SBF2: variants seen among roughly 807,000 people sequenced by gnomAD.
The protein encoded by SBF2 is myotubularin-related protein 13.
In SBF2, 112 loss-of-function variants were observed where a neutral mutation model predicts 225.2. The ratio of observed to expected loss-of-function variants is 0.50; its 90% CI spans 0.43 to 0.58. SBF2 has a LOEUF of 0.58. Ranked by LOEUF, SBF2 falls within the 20% of genes least tolerant of loss-of-function variation. The pLI is 0.00. For synonymous variants in SBF2, 763 were observed against 773.3 expected (o/e 0.99, Z 0.22); for missense variants, 1,996 against 2,206.2 (o/e 0.90, Z 1.91).
At chr11:10,107,126 T>C (rs568712999) in intron 2 of SBF2, among the ~76,000 whole-genome samples, 10 of 152,216 alleles carry the variant, frequency 6.6e-5, no homozygotes, top group African/African-American at 2.2e-4. Context: ...TATATACATA[T>C]ACATACTTAA....
intron 29 of SBF2, among the ~76,000 whole-genome samples, chr11:9,815,402 G>A (rs763522145): frequency 4.0e-5 from 6 of 151,090 alleles, no homozygotes; most frequent in Admixed American, 6.6e-5. Flanking sequence ...GCAGTGAGCC[G>A]AGATCATGCT....
intron 6 of SBF2, among the ~76,000 whole-genome samples, chr11:10,010,034 C>T (rs1948375413): frequency 6.6e-6 from 1 of 152,242 alleles, no homozygotes; most frequent in South Asian, 2.1e-4. Flanking sequence ...GTTTCTTGGA[C>T]ACATAAATGC....
chr11:9,916,093 G>A (rs1863065697), intron 16 of SBF2, among the ~76,000 whole-genome samples: 1 of 151,868 alleles, frequency 6.6e-6, no homozygotes, highest in Non-Finnish European at 1.5e-5. Flanking sequence ...AAACCAAATA[G>A]TAATTTTTAG....
chr11:9,906,054 A>G (rs995736785), intron 16 of SBF2, among the ~76,000 whole-genome samples: 2 of 152,200 alleles, frequency 1.3e-5, no homozygotes, highest in Non-Finnish European at 2.9e-5. Context: ...GAATGCAGCA[A>G]AAAGTATGAA....
intron 29 of SBF2, 139 bp from the exon 30 acceptor site, chr11:9,812,847 A>G (rs1266182703): frequency 3.7e-6 from 3 of 813,898 alleles, no homozygotes; most frequent in Non-Finnish European, 6.1e-6. Flanking sequence ...AAGAAAGTCA[A>G]TCTTGTACAG....
At chr11:10,022,965 G>A (rs965608748) in intron 6 of SBF2, among the ~76,000 whole-genome samples, 1 of 152,104 alleles carries the variant, frequency 6.6e-6, no homozygotes, top group South Asian at 2.1e-4. Context: ...TGTTTGGTAA[G>A]GTTATAACGG....
At chr11:10,037,420 A>G (rs974102260) in intron 3 of SBF2, among the ~76,000 whole-genome samples, 1 of 152,128 alleles carries the variant, frequency 6.6e-6, no homozygotes, top group African/African-American at 2.4e-5. Context: ...AGTTGATTAC[A>G]ATATCAGCAA....
At chr11:10,229,567 C>A (rs535971433) in intron 1 of SBF2, among the ~76,000 whole-genome samples, 27 of 152,184 alleles carry the variant, frequency 1.8e-4, no homozygotes, top group African/African-American at 6.5e-4. Context: ...CATTTCGTTA[C>A]GTACCCAGTA....
At chr11:10,239,902 T>C (rs898866218) in intron 1 of SBF2, among the ~76,000 whole-genome samples, 3 of 152,186 alleles carry the variant, frequency 2.0e-5, no homozygotes, top group African/African-American at 4.8e-5. Context: ...GTTTTTATCT[T>C]TGTAAGAAGA....
At chr11:9,830,078 G>A (rs955841165) in intron 27 of SBF2, among the ~76,000 whole-genome samples, 4 of 152,152 alleles carry the variant, frequency 2.6e-5, no homozygotes, top group African/African-American at 9.7e-5. Context: ...GCCAATCCCT[G>A]GTCCTTCTAA....
chr11:9,832,587 T>C (rs1855467417), intron 26 of SBF2, among the ~76,000 whole-genome samples, 167 bp from the exon 27 acceptor site: 1 of 152,184 alleles, frequency 6.6e-6, no homozygotes, highest in Non-Finnish European at 1.5e-5. Flanking sequence ...GGGTAAGATA[T>C]ATTTATTTTC....
intron 2 of SBF2, among the ~76,000 whole-genome samples, chr11:10,093,908 G>A (rs1433227342): frequency 1.3e-5 from 2 of 152,096 alleles, no homozygotes; most frequent in Non-Finnish European, 2.9e-5. Context: ...ATAAAGTTTA[G>A]ACAATCCCAT....
intron 6 of SBF2, among the ~76,000 whole-genome samples, chr11:10,018,755 G>A (rs969404162): frequency 6.6e-6 from 1 of 152,162 alleles, no homozygotes; most frequent in Non-Finnish European, 1.5e-5. Context: ...ATTGGTCAAT[G>A]ACTGTCAGTC....
In SBF2 at chr11:10,203,203, A is replaced by G. The variant is rs114584361; in HGVS notation, c.56-9216T>C. Among the ~76,000 whole-genome samples the G allele has an allele frequency of 9.7e-3, 1,477 of 152,296 alleles. 25 individuals carry two copies. The highest frequency in any genetic ancestry group is 0.034 in the African/African-American group (1,422 of 41,552). ...TCAAAGAGAAGAGAGATTAACAGGG[A>G]GAAAGAAGTTCAGAGACCTGCAGAA... is the stretch of plus-strand genomic sequence containing the variant. On this transcript the variant is annotated intron_variant, in intron 1 of 39. Coordinates refer to ENST00000256190, the MANE Select transcript of SBF2 (RefSeq NM_030962.4).
chr11:9,901,305 C>T (rs140434806), intron 16 of SBF2, among the ~76,000 whole-genome samples: 1 of 152,098 alleles, frequency 6.6e-6, no homozygotes, highest in Non-Finnish European at 1.5e-5. Context: ...ACTCAAGAGA[C>T]TCAAGGGATA....
At chr11:9,993,860 C>T in intron 10 of SBF2, 61 bp downstream of exon 10, 1 of 1,471,208 alleles carries the variant, frequency 6.8e-7, no homozygotes, top group Middle Eastern at 1.9e-4. Context: ...TCTTTAACAA[C>T]CCTATAAATA....
chr11:10,079,952 GAA>G lies in SBF2; in HGVS notation c.142-36973_142-36972del, dbSNP rs567072483. Among the ~76,000 whole-genome samples, 576 of 150,464 alleles carry G rather than the reference GAA, an allele frequency of 3.8e-3. 4 individuals are homozygous for G. Among genetic ancestry groups the G allele is most frequent in the South Asian group, 5.3e-3 (25 of 4,754 alleles). On this transcript the variant is annotated intron_variant, in intron 2 of 39. Coordinates refer to ENST00000256190, the MANE Select transcript of SBF2 (RefSeq NM_030962.4). ...AGATTCTATTTTCAAAGTGCTTAAA[GAA>G]AAAAAAATGTGGGACAGGCACGATG...
At chr11:10,154,459 C>T (rs1222434779) in intron 2 of SBF2, among the ~76,000 whole-genome samples, 5 of 152,052 alleles carry the variant, frequency 3.3e-5, no homozygotes, top group African/African-American at 4.8e-5. Context: ...CTCTGAGTTG[C>T]TAATTTCAGT....
intron 16 of SBF2, among the ~76,000 whole-genome samples, chr11:9,923,522 A>G (rs949324835): frequency 6.6e-6 from 1 of 152,240 alleles, no homozygotes; most frequent in Non-Finnish European, 1.5e-5. Context: ...CATTTGTGAA[A>G]TTTTGAATCT....
Sources: allele counts gnomAD v4.1 joint callset (sites outside exome capture counted in the v4.1 genomes callset), GRCh38; gene constraint gnomAD v4.1.1; transcripts MANE v1.5; gene names NCBI Gene and HGNC (gene_info 2026-07-23, HGNC 2026-07-21).